The following XYLT1 variants were observed in gnomAD, a reference collection of about 807,000 sequenced individuals.
XYLT1 encodes the protein beta-D-xylosyltransferase 1.
In XYLT1, 36 loss-of-function variants were observed where a neutral mutation model predicts 91.3. That is an observed-to-expected ratio of 0.39 (90% CI 0.30 to 0.52). The LOEUF (loss-of-function observed/expected upper bound fraction) is 0.52, where lower values mean the gene tolerates loss of function less well. XYLT1 is among the 20% of genes least tolerant of loss of function. The pLI is 0.68. For synonymous variants in XYLT1, 588 were observed against 532.0 expected, an observed-to-expected ratio of 1.11 and a Z score of -1.45; for missense variants, 1,242 against 1,284.5, an observed-to-expected ratio of 0.97 and a Z score of 0.51.
chr16:17,336,771 T>C (rs1316819001), intron 2 of XYLT1, among the ~76,000 whole-genome samples: 1 of 152,192 alleles, frequency 6.6e-6, no homozygotes, highest in Non-Finnish European at 1.5e-5. Context: ...GACTTTCGTA[T>C]GTGTGTCCGA....
At chr16:17,315,859 C>T (rs978480156) in intron 2 of XYLT1, among the ~76,000 whole-genome samples, 41 of 152,270 alleles carry the variant, frequency 2.7e-4, no homozygotes, top group African/African-American at 9.9e-4. Context: ...CCTGATCATG[C>T]CTCGGCAAGT....
At chr16:17,186,420 C>A (rs983671268) in intron 5 of XYLT1, among the ~76,000 whole-genome samples, 4 of 151,890 alleles carry the variant, frequency 2.6e-5, no homozygotes. Flanking sequence ...TTATTTTGAG[C>A]CTCCCAAGTA....
At position 17,259,242 on chromosome 16, in the gene XYLT1, C is replaced by G. The variant is rs1445940572; in HGVS notation, c.659G>C (p.Gly220Ala). 6 of 1,613,912 alleles carry G rather than the reference C, an allele frequency of 3.7e-6. No individual in the cohort carries two copies. Among genetic ancestry groups the G allele is most frequent in the Non-Finnish European group, 5.1e-6 (6 of 1,179,998 alleles). ...GCTGCTGTTGGCTGCGGCTCTGTCC[C>G]CGGGAGGCAGCACCTCACCGGGGCC... ...GKGPGEVLPPGDRAAANSSHG... is the reference protein window; with the variant it reads ...GKGPGEVLPPADRAAANSSHG... The change falls in exon 3 of 12, where the codon GGG (glycine) becomes GCG (alanine). Residue 220 changes from glycine (G) to alanine (A), a missense_variant. Transcript: ENST00000261381.
intron 6 of XYLT1, among the ~76,000 whole-genome samples, chr16:17,158,310 G>A (rs1237606064): frequency 6.6e-6 from 1 of 152,174 alleles, no homozygotes; most frequent in Non-Finnish European, 1.5e-5. Flanking sequence ...CATGGGGCTG[G>A]GATCAGGACC....
intron 6 of XYLT1, among the ~76,000 whole-genome samples, chr16:17,149,209 C>T (rs900862920): frequency 6.6e-6 from 1 of 152,178 alleles, no homozygotes; most frequent in Non-Finnish European, 1.5e-5. Flanking sequence ...AGAAGTTTCT[C>T]AATTCAGTTA....
At chr16:17,222,865 C>T (rs1053638970) in intron 3 of XYLT1, among the ~76,000 whole-genome samples, 3 of 149,920 alleles carry the variant, frequency 2.0e-5, no homozygotes, top group Admixed American at 6.7e-5. Flanking sequence ...TCAGTATTTT[C>T]AGGGGCCCTC....
intron 1 of XYLT1, among the ~76,000 whole-genome samples, chr16:17,409,836 C>T (rs1192668859): frequency 6.6e-6 from 1 of 152,134 alleles, no homozygotes; most frequent in African/African-American, 2.4e-5. Context: ...AGGTGTCAGC[C>T]ACCACACCCA....
At chr16:17,463,796 C>T (rs1275161121) in intron 1 of XYLT1, among the ~76,000 whole-genome samples, 5 of 152,228 alleles carry the variant, frequency 3.3e-5, no homozygotes, top group African/African-American at 4.8e-5. Flanking sequence ...CCCATGCTTA[C>T]TGCAACATTC....
intron 1 of XYLT1, among the ~76,000 whole-genome samples, chr16:17,375,020 G>T (rs2035580314): frequency 6.6e-6 from 1 of 152,120 alleles, no homozygotes; most frequent in Non-Finnish European, 1.5e-5. Context: ...AGACCAACTA[G>T]GACACACTGG....
intron 1 of XYLT1, among the ~76,000 whole-genome samples, chr16:17,468,414 A>C (rs570814072): frequency 6.6e-6 from 1 of 152,302 alleles, no homozygotes; most frequent in South Asian, 2.1e-4. Context: ...AAAGAAATTG[A>C]GACATTAGGA....
At chr16:17,168,823 C>T (rs868288302) in intron 5 of XYLT1, among the ~76,000 whole-genome samples, 1 of 152,094 alleles carries the variant, frequency 6.6e-6, no homozygotes, top group Non-Finnish European at 1.5e-5. Context: ...GCAGGATCTT[C>T]CTAAAACATG....
rs903416158 is a variant in XYLT1, at chr16:17,405,895, C to T, written c.364-47845G>A. Among the ~76,000 whole-genome samples the T allele has an allele frequency of 3.3e-5, 5 of 152,168 alleles. No homozygotes were observed. In the East Asian group the frequency reaches 9.6e-4, roughly 29 times the overall value. On this transcript the variant is annotated intron_variant, in intron 1 of 11. Coordinates refer to ENST00000261381, the MANE Select transcript of XYLT1 (RefSeq NM_022166.4). Reference sequence around the variant, plus strand: ...AGGGGGGATGAAAACTTTAAGATTTCACTATTCAGCTGAGACTGGTGACTC... The same window carrying T: ...AGGGGGGATGAAAACTTTAAGATTTTACTATTCAGCTGAGACTGGTGACTC...
At chr16:17,160,890 C>T (rs959813686) in intron 5 of XYLT1, among the ~76,000 whole-genome samples, 5 of 152,222 alleles carry the variant, frequency 3.3e-5, no homozygotes, top group Non-Finnish European at 7.3e-5. Flanking sequence ...CATAAAGAGG[C>T]CCATTCCAAC....
At chr16:17,403,299 G>C (rs950623401) in intron 1 of XYLT1, 2 of 152,236 alleles carry the variant, frequency 1.3e-5, no homozygotes, top group Non-Finnish European at 2.9e-5. Context: ...CATACAACCA[G>C]TAAGCGGCAA....
chr16:17,439,088 C>T (rs2036498914), intron 1 of XYLT1, among the ~76,000 whole-genome samples: 1 of 152,074 alleles, frequency 6.6e-6, no homozygotes, highest in Admixed American at 6.5e-5. Flanking sequence ...CTGGTAAATA[C>T]AGAAATTTAA....
chr16:17,287,697 G>A (rs2034162384), intron 2 of XYLT1, among the ~76,000 whole-genome samples: 1 of 152,152 alleles, frequency 6.6e-6, no homozygotes, highest in African/African-American at 2.4e-5. Context: ...CTCCTGGAGA[G>A]GAAGAAAGCA....
chr16:17,362,641 T>C (rs1403043505), intron 1 of XYLT1, among the ~76,000 whole-genome samples: 4 of 152,116 alleles, frequency 2.6e-5, no homozygotes, highest in Admixed American at 6.5e-5. Flanking sequence ...ACAAAGAAAG[T>C]AGAGAGAGGA....
At chr16:17,424,801 G>A (rs1045015151) in intron 1 of XYLT1, among the ~76,000 whole-genome samples, 5 of 147,680 alleles carry the variant, frequency 3.4e-5, no homozygotes, top group African/African-American at 1.3e-4. Flanking sequence ...CCGGGAGGCA[G>A]AGGTTGCAGT....
intron 2 of XYLT1, among the ~76,000 whole-genome samples, chr16:17,332,907 T>C (rs2034923068): frequency 6.6e-6 from 1 of 152,066 alleles, no homozygotes; most frequent in Non-Finnish European, 1.5e-5. Context: ...TCAAGCAGAA[T>C]CCAGAGAGGG....
Sources: allele counts gnomAD v4.1 joint callset (sites outside exome capture counted in the v4.1 genomes callset), GRCh38; gene constraint gnomAD v4.1.1; transcripts MANE v1.5; gene names NCBI Gene and HGNC (gene_info 2026-07-23, HGNC 2026-07-21).